ARAP2: variants seen among roughly 807,000 people sequenced by gnomAD.
ARAP2 encodes ArfGAP with RhoGAP domain, ankyrin repeat and PH domain 2.
In ARAP2, 148 loss-of-function variants were observed where a neutral mutation model predicts 194.5. The observed-to-expected ratio is 0.76, with a 90% CI of 0.67 to 0.87. The LOEUF (loss-of-function observed/expected upper bound fraction) is 0.87. Ranked by LOEUF, ARAP2 falls within the 40% of genes least tolerant of loss-of-function variation. The pLI is 0.00. For synonymous variants in ARAP2, 695 were observed against 683.5 expected (o/e 1.02, Z -0.26); for missense variants, 2,128 against 1,989.7 (o/e 1.07, Z -1.32).
chr4:36,202,501 A>C (rs1744583331), intron 6 of ARAP2, among the ~76,000 whole-genome samples: 1 of 152,142 alleles, frequency 6.6e-6, no homozygotes, highest in African/African-American at 2.4e-5. Context: ...AGAAGAAAAA[A>C]AAAAAGGTAC....
downstream of ARAP2, chr4:36,065,982 AAAT>A (rs1183877867): frequency 6.6e-6 from 1 of 152,254 alleles, no homozygotes; most frequent in Non-Finnish European, 1.5e-5. Flanking sequence ...CAACTTCTGA[AAAT>A]AATAAAGTCA....
Position 36,228,725 on chromosome 4 carries a change from T to G in ARAP2, c.762A>C (p.Val254=), listed in dbSNP as rs1461076044. The part of the protein sequence containing the change: ...PFFKFQGEMI[V]NDLYVPSSPI... ...GTGATGATGGAACATACAAGTCATT[T>G]ACAATCATTTCTCCTTGAAACTTAA... Residue 254 remains valine (V), a synonymous_variant, in exon 2 of 33, where the codon GTA becomes GTC. Coordinates refer to ENST00000303965, the MANE Select transcript of ARAP2 (RefSeq NM_015230.4). 2 of 1,614,050 alleles carry G rather than the reference T, an allele frequency of 1.2e-6. No homozygotes were observed. The highest frequency in any genetic ancestry group is 1.3e-5 in the African/African-American group (1 of 74,924).
intron 28 of ARAP2, among the ~76,000 whole-genome samples, chr4:36,088,074 T>C (rs1001569374): frequency 1.6e-4 from 24 of 152,126 alleles, no homozygotes; most frequent in African/African-American, 5.3e-4. Context: ...GCTGCTATTA[T>C]TACTGCACTG....
intron 13 of ARAP2, chr4:36,159,880 T>A (rs1231904039): frequency 6.1e-6 from 1 of 163,592 alleles, no homozygotes; most frequent in African/African-American, 2.4e-5. Context: ...TTCATGTGAA[T>A]GTTAATATAT....
chr4:36,192,782 AG>A (rs1264436481), intron 7 of ARAP2, among the ~76,000 whole-genome samples: 2 of 152,224 alleles, frequency 1.3e-5, no homozygotes, highest in Admixed American at 1.3e-4. Context: ...AGATCACTTG[AG>A]ATCAGAAGTT....
rs114448657 is a variant in ARAP2 at position 36,092,024 on chromosome 4, T to C, written c.4286-4A>G. The C allele has an allele frequency of 4.1e-4, 627 of 1,545,036 alleles. 2 individuals are homozygous for C. Among genetic ancestry groups the C allele is most frequent in the Middle Eastern group, 3.3e-3 (19 of 5,788 alleles). On this transcript the variant is annotated splice_polypyrimidine_tract_variant and splice_region_variant and intron_variant, in intron 27 of 32. Transcript: ENST00000303965. ...ATGCTTCCCAGTGTACTCCGGTCTG[T>C]AAAGTACAGCATTACTTTTGTGAGT... is the stretch of plus-strand genomic sequence containing the variant.
chr4:36,212,341 C>A, intron 5 of ARAP2, 55 bp downstream of exon 5: 2 of 1,379,358 alleles, frequency 1.4e-6, no homozygotes, highest in Non-Finnish European at 2.0e-6. Flanking sequence ...GAGAAGTCAA[C>A]ATTGTATAAC....
chr4:36,065,056 C>A, downstream of ARAP2: 1 of 180,804 alleles, frequency 5.5e-6, no homozygotes. Context: ...GAGAGAAGGG[C>A]CAGGCAAGAG....
At chr4:36,071,661 T>A (rs999142967) in intron 32 of ARAP2, among the ~76,000 whole-genome samples, 10 of 150,700 alleles carry the variant, frequency 6.6e-5, no homozygotes, top group Non-Finnish European at 1.0e-4. Flanking sequence ...TATTAATATA[T>A]AATACTTAAT....
At chr4:36,034,417 A>C (rs959936731) in intron 5 of ARAP2, among the ~76,000 whole-genome samples, 2 of 152,062 alleles carry the variant, frequency 1.3e-5, no homozygotes, top group Admixed American at 1.3e-4. Context: ...TGTGAATGGG[A>C]TTGCCTTCCT....
intron 28 of ARAP2, among the ~76,000 whole-genome samples, chr4:36,090,455 G>T (rs904545477): frequency 6.6e-6 from 1 of 151,956 alleles, no homozygotes. Context: ...CAACAAAAAA[G>T]AAAACCTCAG....
At chr4:36,144,400 A>T (rs1024574400) in intron 19 of ARAP2, among the ~76,000 whole-genome samples, 1 of 151,868 alleles carries the variant, frequency 6.6e-6, no homozygotes, top group Admixed American at 6.6e-5. Context: ...TTTTAATGTC[A>T]AATCCTATCT....
rs182700750 is a variant in ARAP2 at position 36,178,413 on chromosome 4, C to A, written c.1679-408G>T. ...TGTGATATTGCTACCCAACAATTAA[C>A]AGATTGTATGTGGCAAGTCAGTTAC... On this transcript the variant is annotated intron_variant, in intron 8 of 32. Transcript: ENST00000303965. 7.6e-4 allele frequency among the ~76,000 whole-genome samples: 115 copies of A among 152,274 alleles called. 1 individual carries two copies. The highest frequency in any genetic ancestry group is 2.7e-3 in the African/African-American group (111 of 41,548).
At chr4:36,238,672 A>C (rs531942982) in intron 1 of ARAP2, among the ~76,000 whole-genome samples, 1 of 152,338 alleles carries the variant, frequency 6.6e-6, no homozygotes, top group African/African-American at 2.4e-5. Flanking sequence ...TAAACCTGGA[A>C]GCCTACATTC....
rs774072628 is a variant in ARAP2, at chr4:36,214,495, G to A, written c.906-15C>T. 17 of 1,571,032 alleles carry A rather than the reference G, an allele frequency of 1.1e-5. No individual in the cohort carries two copies. Among genetic ancestry groups the A allele is most frequent in the African/African-American group, 2.7e-5 (2 of 73,870 alleles). On this transcript the variant is annotated splice_polypyrimidine_tract_variant and intron_variant, in intron 2 of 32. Transcript: ENST00000303965. ...CACGGAAATAGCTTAAAAAGCAAAG[G>A]AGAAAATACTTATGAGTGAAAATAT... is the stretch of plus-strand genomic sequence containing the variant.
rs147157142 is a variant in ARAP2 at position 36,164,090 on chromosome 4, T to C, written c.2173+824A>G. On this transcript the variant is annotated intron_variant, in intron 11 of 32. Coordinates refer to ENST00000303965, the MANE Select transcript of ARAP2 (RefSeq NM_015230.4). ...CTCTAGTCCAACATTTGTCTCATTA[T>C]TGTGGAGGAAATGTCATGTCTTATA... 6.4e-4 allele frequency among the ~76,000 whole-genome samples: 97 copies of C among 152,344 alleles called. 1 individual carries two copies. The highest frequency in any genetic ancestry group is 1.1e-3 in the Non-Finnish European group (78 of 68,020).
rs748744836 is a variant in ARAP2 at position 36,228,628 on chromosome 4, G to A, written c.859C>T (p.Arg287Ter). Residue 287 changes from arginine to a stop codon, truncating the protein, a stop_gained, in exon 2 of 33, where the codon CGA becomes TGA. Coordinates refer to ENST00000303965, the MANE Select transcript of ARAP2 (RefSeq NM_015230.4). LOFTEE classifies it high-confidence loss of function. Reference protein sequence around the residue: ...RPSRSFLLRHRPVPEIPGSTK... With the variant: ...RPSRSFLLRH ...GACCCTGGAATCTCTGGTACAGGTC[G>A]ATGTCTTAGCAGAAAAGATCGAGAT... 2 of 1,613,742 alleles carry A rather than the reference G, an allele frequency of 1.2e-6. No individual in the cohort carries two copies. The highest frequency in any genetic ancestry group is 2.2e-5 in the East Asian group (1 of 44,870).
At chr4:36,107,729 T>C (rs1383153938) in intron 26 of ARAP2, 36 bp from the exon 27 acceptor site, 3 of 1,553,108 alleles carry the variant, frequency 1.9e-6, no homozygotes, top group African/African-American at 2.8e-5. Context: ...ATGGAAAATA[T>C]ATGAGGATAA....
chr4:36,167,084 CA>C (rs3055951), intron 9 of ARAP2, 37 bp from the exon 10 acceptor site: 224 of 1,116,720 alleles, frequency 2.0e-4, no homozygotes, highest in Middle Eastern at 4.9e-4. Flanking sequence ...TATAAAGAAA[CA>C]AAAAAAAAGA....
Sources: gnomAD v4.1 joint callset for allele counts (sites outside exome capture counted in the v4.1 genomes callset) on GRCh38, gnomAD v4.1.1 for gene constraint, MANE v1.5 for transcripts, NCBI Gene and HGNC (gene_info 2026-07-23, HGNC 2026-07-21) for gene names.